SETMAR: variants seen among roughly 807,000 people sequenced by gnomAD.
SETMAR encodes SET and mariner transposase domain methyltransferase.
Under a neutral mutation model 58.4 loss-of-function variants are expected in SETMAR, and 44 were observed. The ratio of observed to expected loss-of-function variants is 0.75; its 90% CI spans 0.59 to 0.97. SETMAR has a LOEUF of 0.97. Ranked by LOEUF, SETMAR falls within the 50% of genes least tolerant of loss-of-function variation. The probability of loss-of-function intolerance (pLI) is 0.00; values close to 1 mark genes in which losing one functional copy is unlikely to be tolerated. For synonymous variants in SETMAR, 332 were observed against 307.4 expected (o/e 1.08, Z -0.84); for missense variants, 903 against 840.2 (o/e 1.07, Z -0.92).
chr3:4,312,965 G>A lies in SETMAR; in HGVS notation c.224G>A (p.Cys75Tyr). ...CCCACTCAAATAACCTTTCCCGGAT[G>A]CATTTGTGTCAAAACTCCCTGCCTC... ...IDPTQITFPGCICVKTPCLPG... is the reference protein window; with the variant it reads ...IDPTQITFPGYICVKTPCLPG... The change falls in exon 2 of 3, where the codon TGC becomes TAC. Residue 75 changes from cysteine to tyrosine, a missense_variant. By Grantham distance (194) the Cys-to-Tyr change is radical (BLOSUM62 -2). Transcript: ENST00000358065. The A allele has an allele frequency of 1.2e-6, 2 of 1,613,942 alleles. No homozygotes were observed. Among genetic ancestry groups the A allele is most frequent in the Middle Eastern group, 1.7e-4 (1 of 6,058 alleles).
rs962547874 is a variant in SETMAR, at chr3:4,316,201, G to A, written c.1021-11G>A. ...TAATGACATCTTACTTGCTGTTTATGTTTATTTTAGACTATGAAAATGATG... is the reference window on the plus strand; with the variant it reads ...TAATGACATCTTACTTGCTGTTTATATTTATTTTAGACTATGAAAATGATG... On this transcript the variant is annotated splice_polypyrimidine_tract_variant and intron_variant, in intron 2 of 2. Coordinates refer to ENST00000358065, the MANE Select transcript of SETMAR (RefSeq NM_006515.4). 1.5e-5 allele frequency: 10 copies of A among 680,190 alleles called. No individual in the cohort carries two copies. The highest frequency in any genetic ancestry group is 3.2e-5 in the South Asian group (2 of 63,080). 42.1% of individuals were successfully genotyped at this position (680,190 alleles called of 1,614,324 possible). A position where few individuals can be genotyped will look rare whatever the true frequency, so the allele number is the denominator to read the frequency against.
chr3:4,313,986 TG>T, intron 2 of SETMAR: 1 of 795,472 alleles, frequency 1.3e-6, no homozygotes. Flanking sequence ...TCTTAGTGAC[TG>T]TTCTAGTTAA....
chr3:4,304,955 G>A (rs1017619799), intron 1 of SETMAR, among the ~76,000 whole-genome samples: 1 of 151,474 alleles, frequency 6.6e-6, no homozygotes, highest in Non-Finnish European at 1.5e-5. Flanking sequence ...TTCAGAAGGC[G>A]GGGCAACTCA....
At chr3:4,305,451 T>G (rs540470460) in intron 1 of SETMAR, among the ~76,000 whole-genome samples, 2 of 152,112 alleles carry the variant, frequency 1.3e-5, no homozygotes, top group African/African-American at 4.8e-5. Flanking sequence ...GAGCAGGTTG[T>G]AAAATGTTTC....
chr3:4,313,118 A>G lies in SETMAR; in HGVS notation c.377A>G (p.Asp126Gly), dbSNP rs150691823. The G allele has an allele frequency of 7.2e-3, 11,686 of 1,613,922 alleles. 97 individuals carry two copies. The highest frequency in any genetic ancestry group is 0.034 in the African/African-American group (2,572 of 75,040). The change falls in exon 2 of 3, where the codon GAC becomes GGC. Residue 126 changes from aspartate (D) to glycine (G), a missense_variant. By Grantham distance (94) the Asp-to-Gly change is moderately conservative. Transcript: ENST00000358065. ...FECNVLCRCSDHCRNRVVQKG... is the reference protein window; with the variant it reads ...FECNVLCRCSGHCRNRVVQKG... The stretch of plus-strand genomic sequence containing the variant: ...TGCAATGTCCTGTGCCGATGCAGTG[A>G]CCACTGCAGAAACAGAGTGGTCCAG...
chr3:4,303,744 T>G, intron 1 of SETMAR: 14 of 1,472,116 alleles, frequency 9.5e-6, no homozygotes, highest in East Asian at 3.0e-5. Context: ...TTTCAGTCCA[T>G]TCCCTGAAGC....
At position 4,313,741 on chromosome 3, in the gene SETMAR, T is replaced by A. The variant is rs1698521476; in HGVS notation, c.1000T>A (p.Cys334Ser). The stretch of plus-strand genomic sequence containing the variant: ...CTCAGCCCCTTCTGTGTTCCCCTCC[T>A]GCAAGCGATTGACCCTTGAGGTGAG... The part of the protein sequence containing the change: ...CGSAPSVFPS[C>S]KRLTLETMKM... Residue 334 changes from cysteine to serine, a missense_variant, in exon 2 of 3, where the codon TGC becomes AGC. By Grantham distance (112) the Cys-to-Ser change is moderately radical (BLOSUM62 -1). Coordinates refer to ENST00000358065, the MANE Select transcript of SETMAR (RefSeq NM_006515.4). 6.2e-7 allele frequency: 1 copy of A among 1,613,898 alleles called. No individual in the cohort carries two copies.
intron 2 of SETMAR, among the ~76,000 whole-genome samples, chr3:4,314,595 T>A (rs1698560601): frequency 6.6e-6 from 1 of 152,164 alleles, no homozygotes; most frequent in Non-Finnish European, 1.5e-5. Flanking sequence ...TACTTGGCTG[T>A]ACTCCAAATC....
rs1357408799 is a variant in SETMAR, at chr3:4,316,645, A to G, written c.1454A>G (p.Asn485Ser). Residue 485 changes from asparagine to serine, a missense_variant, in exon 3 of 3, where the codon AAC (asparagine) becomes AGC (serine). Physicochemically the swap from Asn to Ser is conservative, Grantham distance 46 (BLOSUM62 1). Transcript: ENST00000358065. ...VSSSLILRNHNEPFLDRIVTC... is the reference protein window; with the variant it reads ...VSSSLILRNHSEPFLDRIVTC... ...TCTTCTCTTATTCTACGCAACCACA[A>G]CGAACCATTTCTCGATCGGATTGTG... 2 of 1,551,144 alleles carry G rather than the reference A, an allele frequency of 1.3e-6. No homozygotes were observed. The highest frequency in any genetic ancestry group is 2.4e-5 in the East Asian group (1 of 40,940).
Position 4,313,570 on chromosome 3 carries a change from A to C in SETMAR, c.829A>C (p.Arg277=). ...LNLTVSEDKE[R]LDHGKLRKPC... is the part of the protein sequence containing the mutation. ...TCTAACAGTCAGTGAAGACAAAGAA[A>C]GGCTAGATCATGGGAAACTAAGGAA... The change falls in exon 2 of 3, where the codon AGG becomes CGG. Residue 277 remains arginine, a synonymous_variant. Transcript: ENST00000358065. The C allele has an allele frequency of 6.2e-6, 10 of 1,614,086 alleles. No individual in the cohort carries two copies. Among genetic ancestry groups the C allele is most frequent in the Non-Finnish European group, 8.5e-6 (10 of 1,179,972 alleles).
rs1442746138 is a variant in SETMAR, at chr3:4,313,759, G to A, written c.1018G>A (p.Glu340Lys). ...VFPSCKRLTL[E>K]TMKMMLDKKQ... ...CCCCTCCTGCAAGCGATTGACCCTT[G>A]AGGTGAGTCTGTTCAGTGATAAGCA... The change falls in exon 2 of 3, where the codon GAG (glutamate) becomes AAG (lysine). Residue 340 changes from glutamate to lysine, a missense_variant and splice_region_variant. Coordinates refer to ENST00000358065, the MANE Select transcript of SETMAR (RefSeq NM_006515.4). The A allele has an allele frequency of 5.0e-6, 8 of 1,613,906 alleles. No individual in the cohort carries two copies. Among genetic ancestry groups the A allele is most frequent in the Non-Finnish European group, 6.8e-6 (8 of 1,179,958 alleles).
chr3:4,305,734 T>C (rs1698165743), intron 1 of SETMAR, among the ~76,000 whole-genome samples: 1 of 152,200 alleles, frequency 6.6e-6, no homozygotes, highest in African/African-American at 2.4e-5. Context: ...CTGATGAGAC[T>C]TTATGGTTTG....
chr3:4,315,130 C>T (rs1166928120), intron 2 of SETMAR, among the ~76,000 whole-genome samples: 1 of 152,130 alleles, frequency 6.6e-6, no homozygotes, highest in East Asian at 1.9e-4. Context: ...ATTACAAATA[C>T]ATAGTATCAA....
intron 1 of SETMAR, among the ~76,000 whole-genome samples, chr3:4,310,501 C>CG (rs1698361615): frequency 2.0e-5 from 3 of 152,048 alleles, no homozygotes. Flanking sequence ...ATATCCATCA[C>CG]GGGGAAAAAA....
chr3:4,303,437 GC>G lies in SETMAR; in HGVS notation c.71del (p.Pro24ArgfsTer35). On this transcript the variant is annotated frameshift_variant, in exon 1 of 3. Transcript: ENST00000358065. LOFTEE classifies it high-confidence loss of function. ...GGCGGAGTTTAAGGAGAAGCCTGAG[GC>G]CCCGACTGAGCAGCTGGATGTCGCG... ...GMAEFKEKPE[A>X]PTEQLDVACG... 1.9e-6 allele frequency: 3 copies of G among 1,552,442 alleles called. No homozygotes were observed. The highest frequency in any genetic ancestry group is 2.7e-5 in the East Asian group (1 of 37,614).
intron 1 of SETMAR, among the ~76,000 whole-genome samples, chr3:4,309,946 C>G (rs764967549): frequency 6.6e-6 from 1 of 152,174 alleles, no homozygotes; most frequent in Non-Finnish European, 1.5e-5. Context: ...GTGCACAGTA[C>G]TTACAGAAAC....
chr3:4,316,662 C>A lies in SETMAR; in HGVS notation c.1471C>A (p.Arg491=). The A allele has an allele frequency of 6.4e-7, 1 of 1,551,142 alleles. No individual in the cohort carries two copies. Among genetic ancestry groups the A allele is most frequent in the Non-Finnish European group, 8.7e-7 (1 of 1,146,758 alleles). The change falls in exon 3 of 3, where the codon CGG becomes AGG. Residue 491 remains arginine, a synonymous_variant. Transcript: ENST00000358065. ...CAACCACAACGAACCATTTCTCGAT[C>A]GGATTGTGACGTGTGATGAAAAGTG... ...LRNHNEPFLD[R]IVTCDEKWIL...
intron 2 of SETMAR, chr3:4,314,312 T>C (rs1376277655): frequency 6.5e-6 from 1 of 153,532 alleles, no homozygotes; most frequent in Non-Finnish European, 1.5e-5. Context: ...AACCTAATAA[T>C]GATCCAAGAA....
rs1223913903 is a variant in SETMAR at position 4,317,196 on chromosome 3, A to G, written c.2005A>G (p.Ile669Val). ...TTACGCTACAGGAATAAACCAACTT[A>G]TTTCTCGTTGGCAAAAATGTGTTGA... ...DFYATGINQL[I>V]SRWQKCVDCN... The change falls in exon 3 of 3, where the codon ATT (isoleucine) becomes GTT (valine). Residue 669 changes from isoleucine (I) to valine (V), a missense_variant. Transcript: ENST00000358065. 6.5e-7 allele frequency: 1 copy of G among 1,549,204 alleles called. No individual in the cohort carries two copies. Among genetic ancestry groups the G allele is most frequent in the Non-Finnish European group, 8.7e-7 (1 of 1,146,114 alleles).
Sources: allele counts gnomAD v4.1 joint callset (sites outside exome capture counted in the v4.1 genomes callset), GRCh38; gene constraint gnomAD v4.1.1; transcripts MANE v1.5; gene names NCBI Gene and HGNC (gene_info 2026-07-23, HGNC 2026-07-21).